The following TTN variants were observed in gnomAD, a reference collection of about 807,000 sequenced individuals.
TTN encodes the protein connectin.
In TTN, 1,525 loss-of-function variants were observed where a neutral mutation model predicts 3,223.0. The ratio of observed to expected loss-of-function variants is 0.47; its 90% CI spans 0.45 to 0.49. The LOEUF (loss-of-function observed/expected upper bound fraction) is 0.49. TTN is among the 20% of genes least tolerant of loss of function. The probability of loss-of-function intolerance (pLI) is 0.00; values close to 1 mark genes in which losing one functional copy is unlikely to be tolerated. For missense variants in TTN, 40,786 were observed against 43,424.0 expected (o/e 0.94, Z 5.40); for synonymous variants, 14,094 against 15,161.0 (o/e 0.93, Z 5.17).
Position 178,617,801 on chromosome 2 carries a change from G to A in TTN, c.47550C>T (p.Phe15850=), listed in dbSNP as rs113350914. The A allele has an allele frequency of 3.1e-6, 5 of 1,612,134 alleles. No individual in the cohort carries two copies. In the African/African-American group the frequency reaches 4.0e-5, roughly 13 times the overall value. ...GVGKPSAATP[F]VKVADPIERP... is the part of the protein sequence containing the mutation. The stretch of plus-strand genomic sequence containing the variant: ...TACCAATTGGATCAGCAACTTTGAC[G>A]AAGGGTGTGGCTGCACTTGGTTTTC... Residue 15850 remains phenylalanine, a synonymous_variant, in exon 253 of 363, where the codon TTC becomes TTT. Transcript: ENST00000589042.
intron 10 of TTN, among the ~76,000 whole-genome samples, chr2:178,791,735 T>A (rs571042642): frequency 7.2e-5 from 11 of 151,836 alleles, no homozygotes; most frequent in African/African-American, 2.7e-4. Flanking sequence ...TCTAAGTGAC[T>A]GAGGGCTTAG....
Position 178,575,926 on chromosome 2 carries a change from G to A in TTN, c.70206C>T (p.Ile23402=), listed in dbSNP as rs1575810587. 2 of 1,613,418 alleles carry A rather than the reference G, an allele frequency of 1.2e-6. No individual in the cohort carries two copies. The highest frequency in any genetic ancestry group is 1.7e-5 in the Admixed American group (1 of 59,994). Residue 23402 remains isoleucine, a synonymous_variant, in exon 326 of 363, where the codon ATC becomes ATT. Coordinates refer to ENST00000589042, the MANE Select transcript of TTN (RefSeq NM_001267550.2). The surrounding 1 kb of genome is among the most constrained non-coding windows in gnomAD (Gnocchi z 4.0). Reference sequence around the variant, plus strand: ...CGGTATCATATCTGTTACATTCTGGGATAATCAGAAGAGTAAATGATTCCG... The same window carrying A: ...CGGTATCATATCTGTTACATTCTGGAATAATCAGAAGAGTAAATGATTCCG... ...ENTESFTLLI[I]PECNRYDTGK...
chr2:178,778,842 T>C (rs1206709979), intron 24 of TTN, 32 bp downstream of exon 24: 1 of 1,613,342 alleles, frequency 6.2e-7, no homozygotes, highest in Non-Finnish European at 8.5e-7. Flanking sequence ...ACAATTTACA[T>C]ACTAAATAAC....
rs2092227442 is a variant in TTN, at chr2:178,776,387, C to T, written c.5477G>A (p.Gly1826Asp). The change falls in exon 28 of 363, where the codon GGT (glycine) becomes GAT (aspartate). Residue 1826 changes from glycine (G) to aspartate (D), a missense_variant. Transcript: ENST00000589042. ...ATCTGTTGTTACACCTGTAAGTGCA[C>T]CTTCATGAGCCATTCTCTCTAATTC... is the stretch of plus-strand genomic sequence containing the variant. ...IEELERMAHE[G>D]ALTGVTTDQK... The T allele has an allele frequency of 1.2e-6, 2 of 1,612,772 alleles. No homozygotes were observed. Among genetic ancestry groups the T allele is most frequent in the Non-Finnish European group, 1.7e-6 (2 of 1,179,972 alleles).
intron 88 of TTN, 137 bp downstream of exon 88, chr2:178,716,958 G>T: frequency 2.2e-6 from 2 of 922,812 alleles, no homozygotes; most frequent in Non-Finnish European, 3.0e-6. Context: ...CATTTGGAAG[G>T]TCCTTGATCC....
rs755894540 is a variant in TTN, at chr2:178,684,757, G to T, written c.32555-8C>A. 11 of 1,612,894 alleles carry T rather than the reference G, an allele frequency of 6.8e-6. 1 individual carries two copies. In the South Asian group the frequency reaches 1.2e-4, roughly 18 times the overall value. On this transcript the variant is annotated splice_region_variant and splice_polypyrimidine_tract_variant and intron_variant, in intron 130 of 362. Transcript: ENST00000589042. ...TCTTTGGCTCTTCTGGCACTTAAAA[G>T]ATACCAGGCAATACCATCAAACATA...
rs1409170386 is a variant in TTN, at chr2:178,584,983, A to T, written c.64673-15T>A. ...GCCGGGGGCATCTACATGAACCAAG[A>T]GGAAAGAAATGTAAGAACAAGGATT... is the stretch of plus-strand genomic sequence containing the variant. On this transcript the variant is annotated splice_polypyrimidine_tract_variant and intron_variant, in intron 309 of 362. Transcript: ENST00000589042. 1 of 1,609,554 alleles carries T rather than the reference A, an allele frequency of 6.2e-7. No homozygotes were observed. The highest frequency in any genetic ancestry group is 2.2e-5 in the East Asian group (1 of 44,754).
rs777119867 is a variant in TTN, at chr2:178,652,156, C to T, written c.39235G>A (p.Val13079Ile). 8.0e-5 allele frequency: 129 copies of T among 1,612,114 alleles called. No individual in the cohort carries two copies. Among genetic ancestry groups the T allele is most frequent in the Non-Finnish European group, 1.0e-4 (120 of 1,179,630 alleles). Residue 13079 changes from valine to isoleucine, a missense_variant, in exon 204 of 363, where the codon GTC becomes ATC. By Grantham distance (29) the Val-to-Ile change is conservative. Coordinates refer to ENST00000589042, the MANE Select transcript of TTN (RefSeq NM_001267550.2). ...GCTTCAGGCACCTTCTTTTCTGGGA[C>T]AGCTACCTTTGGCACCTCTGGGACT... The part of the protein sequence containing the change: ...TKVPEVPKVA[V>I]PEKKVPEAIP...
chr2:178,668,860 AT>A (rs967494360), intron 159 of TTN, among the ~76,000 whole-genome samples: 45 of 151,396 alleles, frequency 3.0e-4, no homozygotes, highest in African/African-American at 1.1e-3. Flanking sequence ...TTTAAACCTA[AT>A]TTTGTATGAA....
chr2:178,527,975 G>A (rs947646094), intron 361 of TTN: 1 of 540,772 alleles, frequency 1.8e-6, no homozygotes, highest in Non-Finnish European at 3.2e-6. Context: ...TTACATGCAG[G>A]TGCTAGGAAT....
rs574161330 is a variant in TTN at position 178,718,919 on chromosome 2, C to T, written c.24281G>A (p.Ser8094Asn). The T allele has an allele frequency of 6.2e-7, 1 of 1,612,666 alleles. No homozygotes were observed. Among genetic ancestry groups the T allele is most frequent in the East Asian group, 2.2e-5 (1 of 44,764 alleles). The change falls in exon 84 of 363, where the codon AGC becomes AAC. Residue 8094 changes from serine (S) to asparagine (N), a missense_variant. By Grantham distance (46) the Ser-to-Asn change is conservative. Transcript: ENST00000589042. ...TCTGATGACACTGGTGAATGTGAGG[C>T]TCATTCCAGGCAAAACTTCCACAGA... ...PDSVEVLPGM[S>N]LTFTSVIRGT...
In TTN at chr2:178,704,032, A is replaced by G; in HGVS notation, c.30223+115T>C. 3 of 1,342,238 alleles carry G rather than the reference A, an allele frequency of 2.2e-6. No individual in the cohort carries two copies. In the South Asian group the frequency reaches 4.7e-5, roughly 21 times the overall value. The allele number at this position is 1,342,238 out of a possible 1,614,324, so 83.1% of individuals were successfully genotyped here. ...ATACTATGAGAACGTGTGTTGGGAA[A>G]TAAGAACACATGACCACTTTGGTGT... is the stretch of plus-strand genomic sequence containing the variant. On this transcript the variant is annotated intron_variant, in intron 106 of 362. Coordinates refer to ENST00000589042, the MANE Select transcript of TTN (RefSeq NM_001267550.2).
chr2:178,692,377 T>C, intron 120 of TTN, 120 bp downstream of exon 120: 1 of 999,406 alleles, frequency 1.0e-6, no homozygotes, highest in East Asian at 2.6e-5. Flanking sequence ...GAAATCAATA[T>C]ACACAGAATT....
Position 178,652,125 on chromosome 2 carries a change from G to A in TTN, c.39266C>T (p.Pro13089Leu). 1.2e-6 allele frequency: 2 copies of A among 1,612,652 alleles called. No individual in the cohort carries two copies. The highest frequency in any genetic ancestry group is 2.2e-5 in the East Asian group (1 of 44,856). The change falls in exon 204 of 363, where the codon CCT becomes CTT. Residue 13089 changes from proline (P) to leucine (L), a missense_variant. Transcript: ENST00000589042. ...VPEKKVPEAIPPKPESPPPEV... is the reference protein window; with the variant it reads ...VPEKKVPEAILPKPESPPPEV... ...AGGGGGAGGACTTTCCGGTTTGGGA[G>A]GAATAGCTTCAGGCACCTTCTTTTC...
chr2:178,633,985 C>A lies in TTN; in HGVS notation c.42514G>T (p.Val14172Leu), dbSNP rs748615976. 1.9e-6 allele frequency: 3 copies of A among 1,613,214 alleles called. No individual in the cohort carries two copies. The Admixed American group carries it at 5.0e-5, about 27-fold the overall frequency. ...TTGGCATCATTTTTGAACCAGACTA[C>A]ATGCATTTTTTCATGAGAAAGTTCA... ...VCELSHEKMHVVWFKNDAKLH... is the reference protein window; with the variant it reads ...VCELSHEKMHLVWFKNDAKLH... The change falls in exon 231 of 363, where the codon GTA (valine) becomes TTA (leucine). Residue 14172 changes from valine (V) to leucine (L), a missense_variant. Val to Leu is a conservative substitution (Grantham distance 32). Transcript: ENST00000589042.
At chr2:178,753,525 T>A in intron 46 of TTN, 1 of 187,038 alleles carries the variant, frequency 5.3e-6, no homozygotes, top group South Asian at 1.2e-4. Context: ...TGCTAAGAGA[T>A]GAAATCACAT....
At position 178,579,259 on chromosome 2, in the gene TTN, G is replaced by A; in HGVS notation, c.67771C>T (p.Leu22591=). The A allele has an allele frequency of 6.2e-7, 1 of 1,613,412 alleles. No individual in the cohort carries two copies. The highest frequency in any genetic ancestry group is 8.5e-7 in the Non-Finnish European group (1 of 1,179,550). Residue 22591 remains leucine, a synonymous_variant, in exon 320 of 363, where the codon CTA becomes TTA. Coordinates refer to ENST00000589042, the MANE Select transcript of TTN (RefSeq NM_001267550.2). ...SVSWKKGEDP[L]ATDTRVSVES... ...ACACTGACTCTAGTGTCAGTTGCTAGAGGATCTTCCCCTTTCTTCCAGGAG... is the reference window on the plus strand; with the variant it reads ...ACACTGACTCTAGTGTCAGTTGCTAAAGGATCTTCCCCTTTCTTCCAGGAG...
Position 178,729,409 on chromosome 2 carries a change from G to GT in TTN, c.18746dup (p.Asp6249GlufsTer7). ...TATGGAGGTTAAACACAGACACTCT[G>GT]TCGGTCAATGTGTATTTTTTGCTGC... On this transcript the variant is annotated frameshift_variant, in exon 64 of 363. Transcript: ENST00000589042. LOFTEE classifies it high-confidence loss of function. 6.2e-7 allele frequency: 1 copy of GT among 1,613,630 alleles called. No individual in the cohort carries two copies. The highest frequency in any genetic ancestry group is 8.5e-7 in the Non-Finnish European group (1 of 1,179,674).
In TTN at chr2:178,549,495, C is replaced by A. The variant is rs139608131; in HGVS notation, c.92153-22G>T. 102 of 1,593,562 alleles carry A rather than the reference C, an allele frequency of 6.4e-5. No homozygotes were observed. The African/African-American group carries it at 1.2e-3, about 19-fold the overall frequency. On this transcript the variant is annotated intron_variant, in intron 338 of 362. Coordinates refer to ENST00000589042, the MANE Select transcript of TTN (RefSeq NM_001267550.2). Reference sequence around the variant, plus strand: ...ACAGCTGTAAAACAAAAACAAAACCCCAAATCAATTAGATGCATTTGCTTG... The same window carrying A: ...ACAGCTGTAAAACAAAAACAAAACCACAAATCAATTAGATGCATTTGCTTG...
Sources: allele counts gnomAD v4.1 joint callset (sites outside exome capture counted in the v4.1 genomes callset), GRCh38; gene constraint gnomAD v4.1.1; non-coding constraint Gnocchi (gnomAD v3.1); transcripts MANE v1.5; gene names NCBI Gene and HGNC (gene_info 2026-07-23, HGNC 2026-07-21).